Variants in SOX6 observed in about 807,000 individuals in gnomAD.
SOX6 encodes transcription factor SOX-6.
A neutral mutation model predicts 97.8 loss-of-function variants in SOX6; 11 were observed. The observed-to-expected ratio is 0.11, with a 90% CI of 0.07 to 0.19. The LOEUF (loss-of-function observed/expected upper bound fraction) is 0.19. Among genes scored for constraint, SOX6 ranks in the 10% least tolerant of loss-of-function variants. The pLI is 1.00. For missense variants in SOX6, 810 were observed against 1,039.5 expected (o/e 0.78, Z 3.04); for synonymous variants, 360 against 371.4 (o/e 0.97, Z 0.35).
chr11:16,716,800 T>TA (rs1224626804), intron 2 of SOX6, among the ~76,000 whole-genome samples: 5 of 106,634 alleles, frequency 4.7e-5, no homozygotes, highest in Non-Finnish European at 6.9e-5. Flanking sequence ...TAAAGGAAGT[T>TA]AGATATAAAA....
rs1554933993 is a variant in SOX6 at position 16,132,444 on chromosome 11, A to AAAGAAAGAAAG, written c.778-20522_778-20521insCTTTCTTTCTT. Among the ~76,000 whole-genome samples, 3 of 27,240 alleles carry AAAGAAAGAAAG rather than the reference A, an allele frequency of 1.1e-4. 1 individual carries two copies. The highest frequency in any genetic ancestry group is 5.1e-4 in the African/African-American group (3 of 5,844). The allele number at this position is 27,240 out of a possible 152,430, so 17.9% of individuals were successfully genotyped here. On this transcript the variant is annotated intron_variant, in intron 6 of 15. Coordinates refer to ENST00000683767, the MANE Select transcript of SOX6 (RefSeq NM_001367873.1). ...AAGAAAGAAAGAAAGAAAGAAAGAA[A>AAAGAAAGAAAG]AAAGAAAGAAAGAAAGAAAGAAAGA... is the stretch of plus-strand genomic sequence containing the variant.
intron 2 of SOX6, among the ~76,000 whole-genome samples, chr11:16,723,351 G>A (rs1170791909): frequency 6.6e-6 from 1 of 152,138 alleles, no homozygotes; most frequent in South Asian, 2.1e-4. Context: ...GGAGGAGCAA[G>A]AGGAGCCGAG....
chr11:15,997,237 C>T (rs953796566), intron 13 of SOX6, among the ~76,000 whole-genome samples: 7 of 152,022 alleles, frequency 4.6e-5, no homozygotes, highest in Admixed American at 1.3e-4. Flanking sequence ...GAATTTATAA[C>T]GAAGAACTTA....
At chr11:16,589,300 A>C (rs1260847776) in intron 4 of SOX6, among the ~76,000 whole-genome samples, 1 of 152,302 alleles carries the variant, frequency 6.6e-6, no homozygotes, top group East Asian at 1.9e-4. Flanking sequence ...ATATTTATTT[A>C]TTTTAAATGT....
chr11:16,723,985 T>C (rs1404269291), intron 2 of SOX6, among the ~76,000 whole-genome samples: 1 of 152,192 alleles, frequency 6.6e-6, no homozygotes, highest in African/African-American at 2.4e-5. Context: ...CAACACTAGT[T>C]TGTATACAAA....
At chr11:15,985,238 G>A (rs1853796048) in intron 15 of SOX6, among the ~76,000 whole-genome samples, 1 of 152,144 alleles carries the variant, frequency 6.6e-6, no homozygotes, top group South Asian at 2.1e-4. Context: ...ATAGCTCTTG[G>A]CTTCTCCTTT....
At chr11:16,087,461 T>C (rs539632765) in intron 9 of SOX6, among the ~76,000 whole-genome samples, 12 of 152,284 alleles carry the variant, frequency 7.9e-5, no homozygotes, top group Non-Finnish European at 1.3e-4. Context: ...TTTACTTCAC[T>C]GTGAAAGGCA....
At chr11:16,553,104 A>T (rs1284983614) in intron 4 of SOX6, among the ~76,000 whole-genome samples, 2 of 152,110 alleles carry the variant, frequency 1.3e-5, no homozygotes, top group Non-Finnish European at 2.9e-5. Context: ...CATCTAAAAC[A>T]TTTTCTTTTT....
At chr11:16,363,728 T>G (rs1434787649) in intron 1 of SOX6, among the ~76,000 whole-genome samples, 1 of 152,264 alleles carries the variant, frequency 6.6e-6, no homozygotes, top group African/African-American at 2.4e-5. Flanking sequence ...TGTGTACTTA[T>G]TAATACCATA....
At chr11:16,617,532 T>C (rs1848486505) in intron 3 of SOX6, among the ~76,000 whole-genome samples, 1 of 151,932 alleles carries the variant, frequency 6.6e-6, no homozygotes, top group South Asian at 2.1e-4. Context: ...ATCAGCATCA[T>C]GATATGGTTG....
intron 14 of SOX6, among the ~76,000 whole-genome samples, chr11:15,988,080 A>T (rs1853925327): frequency 6.6e-6 from 1 of 152,228 alleles, no homozygotes; most frequent in African/African-American, 2.4e-5. Flanking sequence ...ACATTTAAAA[A>T]ATTAAAACCA....
At chr11:16,692,213 G>C (rs754177710) in intron 3 of SOX6, among the ~76,000 whole-genome samples, 1 of 152,012 alleles carries the variant, frequency 6.6e-6, no homozygotes, top group South Asian at 2.1e-4. Flanking sequence ...TGGGACTATA[G>C]GAATGCACCA....
At chr11:16,716,819 T>C (rs1848222878) in intron 2 of SOX6, among the ~76,000 whole-genome samples, 1 of 151,944 alleles carries the variant, frequency 6.6e-6, no homozygotes, top group Non-Finnish European at 1.5e-5. Flanking sequence ...AAAAATTGTA[T>C]GATTCTATTT....
chr11:16,571,332 C>G (rs921021735), intron 4 of SOX6, among the ~76,000 whole-genome samples: 3 of 152,156 alleles, frequency 2.0e-5, no homozygotes. Flanking sequence ...AAGGATATAG[C>G]AATATTACCC....
At chr11:16,114,904 T>C (rs2133998791) in intron 6 of SOX6, among the ~76,000 whole-genome samples, 1 of 152,290 alleles carries the variant, frequency 6.6e-6, no homozygotes, top group East Asian at 1.9e-4. Context: ...TTCTTGAATC[T>C]CAGTGCCTTA....
Position 16,265,917 on chromosome 11 carries a change from A to C in SOX6, c.446-31246T>G, listed in dbSNP as rs200473238. ...AAAATGAAATGCAGACAGAAAATGTAAAAAAAAATGAACAGAGCATCAGTA... is the reference window on the plus strand; with the variant it reads ...AAAATGAAATGCAGACAGAAAATGTCAAAAAAAATGAACAGAGCATCAGTA... On this transcript the variant is annotated intron_variant, in intron 3 of 15. Transcript: ENST00000683767. Among the ~76,000 whole-genome samples, 5 of 1,234 alleles carry C rather than the reference A, an allele frequency of 4.1e-3. No homozygotes were observed. In the Non-Finnish European group the frequency reaches 0.21, roughly 51 times the overall value. The allele number at this position is 1,234 out of a possible 152,430, so 0.8% of individuals were successfully genotyped here. A position where few individuals can be genotyped will look rare whatever the true frequency, so the allele number is the denominator to read the frequency against.
chr11:16,487,275 C>CT (rs944930861), intron 4 of SOX6, among the ~76,000 whole-genome samples: 2 of 151,938 alleles, frequency 1.3e-5, no homozygotes, highest in Non-Finnish European at 2.9e-5. Flanking sequence ...TTGCAGGGTG[C>CT]TTTTTTTAAA....
chr11:16,620,659 T>A (rs889056739), intron 3 of SOX6, among the ~76,000 whole-genome samples: 2 of 152,178 alleles, frequency 1.3e-5, no homozygotes, highest in Non-Finnish European at 2.9e-5. Context: ...TATGTCTACA[T>A]GAGATAGGTG....
At chr11:16,308,375 G>A (rs1344292431) in intron 3 of SOX6, among the ~76,000 whole-genome samples, 2 of 152,120 alleles carry the variant, frequency 1.3e-5, no homozygotes, top group Non-Finnish European at 2.9e-5. Flanking sequence ...GTCCTTTAAT[G>A]CTTATCTAGA....
Sources: gnomAD v4.1 joint callset for allele counts (sites outside exome capture counted in the v4.1 genomes callset) on GRCh38, gnomAD v4.1.1 for gene constraint, MANE v1.5 for transcripts, NCBI Gene and HGNC (gene_info 2026-07-23, HGNC 2026-07-21) for gene names.